Variants in RSPH14 observed in about 807,000 individuals in gnomAD.
RSPH14 encodes the protein radial spoke head 14 homolog.
RSPH14 carries 20 observed loss-of-function variants against 26.7 expected under a neutral mutation model. The observed-to-expected ratio is 0.75, with a 90% CI of 0.53 to 1.09. The LOEUF (loss-of-function observed/expected upper bound fraction) is 1.09, where lower values mean the gene tolerates loss of function less well. Ranked by LOEUF, RSPH14 falls within the 50% of genes least tolerant of loss-of-function variation. The probability of loss-of-function intolerance (pLI) is 0.00; values close to 1 mark genes in which losing one functional copy is unlikely to be tolerated. For synonymous variants in RSPH14, 177 were observed against 189.3 expected (o/e 0.93, Z 0.53); for missense variants, 449 against 457.2 (o/e 0.98, Z 0.16).
chr22:23,142,620 G>A (rs1476557285), upstream of RSPH14, among the ~76,000 whole-genome samples: 5 of 152,232 alleles, frequency 3.3e-5, no homozygotes, highest in African/African-American at 1.2e-4. Context: ...TTACAGGCGT[G>A]AGCCACTGCG....
At chr22:23,152,844 G>A in the RSPH14 span, among the ~76,000 whole-genome samples, 2 of 152,252 alleles carry the variant, frequency 1.3e-5, no homozygotes, top group African/African-American at 2.4e-5. Context: ...CTTGCCTTCC[G>A]AGCTCCTGCA....
chr22:23,106,641 A>G (rs1387205223), intron 4 of RSPH14, among the ~76,000 whole-genome samples: 2 of 152,178 alleles, frequency 1.3e-5, no homozygotes, highest in Admixed American at 1.3e-4. Context: ...GTAGGATAAC[A>G]TGTGTGTGCT....
At chr22:23,162,723 C>T in the RSPH14 span, 1 of 456,248 alleles carries the variant, frequency 2.2e-6, no homozygotes, top group Admixed American at 2.3e-5. Flanking sequence ...CGTGCTGTTG[C>T]TTCCCGTAGA....
At chr22:23,125,898 G>A (rs1205982712) in intron 4 of RSPH14, among the ~76,000 whole-genome samples, 3 of 151,878 alleles carry the variant, frequency 2.0e-5, no homozygotes, top group African/African-American at 7.3e-5. Context: ...CAAAGTGGGG[G>A]GTCGGCAGGC....
At chr22:23,173,499 G>A in the RSPH14 span, among the ~76,000 whole-genome samples, 1 of 151,730 alleles carries the variant, frequency 6.6e-6, no homozygotes, top group East Asian at 1.9e-4. Context: ...GGAGTGCAGG[G>A]GTATGATCAT....
At chr22:23,082,548 T>C (rs914366596) in intron 4 of RSPH14, among the ~76,000 whole-genome samples, 2 of 152,098 alleles carry the variant, frequency 1.3e-5, no homozygotes, top group Admixed American at 6.5e-5. Context: ...ATTTTTGTTT[T>C]GCATGTGAAG....
intron 4 of RSPH14, among the ~76,000 whole-genome samples, chr22:23,068,356 T>C (rs911496688): frequency 6.6e-6 from 1 of 152,252 alleles, no homozygotes; most frequent in African/African-American, 2.4e-5. Context: ...CTCACATGAC[T>C]GTAAGGCCCA....
chr22:23,108,123 G>A (rs1227320125), intron 4 of RSPH14, among the ~76,000 whole-genome samples: 1 of 152,336 alleles, frequency 6.6e-6, no homozygotes, highest in Admixed American at 6.5e-5. Flanking sequence ...GGTGGGGCCA[G>A]GGGCACACAG....
At chr22:23,103,284 T>C (rs2069356233) in intron 4 of RSPH14, among the ~76,000 whole-genome samples, 1 of 152,162 alleles carries the variant, frequency 6.6e-6, no homozygotes, top group Non-Finnish European at 1.5e-5. Context: ...GTTCTACTCC[T>C]CCCCAGCCCC....
chr22:23,082,958 G>A (rs776647607), intron 4 of RSPH14, among the ~76,000 whole-genome samples: 11 of 152,122 alleles, frequency 7.2e-5, no homozygotes, highest in Admixed American at 5.2e-4. Flanking sequence ...AAGTGGTCAA[G>A]ATCATATTAA....
upstream of RSPH14, chr22:23,142,012 G>A (rs914098325): frequency 6.1e-6 from 6 of 985,420 alleles, no homozygotes; most frequent in African/African-American, 1.0e-4. Context: ...TCAGTTGCCA[G>A]GCGACATCGT....
chr22:23,131,588 C>A (rs2070360470), intron 4 of RSPH14: 6 of 1,301,226 alleles, frequency 4.6e-6, no homozygotes, highest in Non-Finnish European at 5.1e-6. Flanking sequence ...AGGTCACAAT[C>A]ATTGTAAGAG....
intron 4 of RSPH14, among the ~76,000 whole-genome samples, chr22:23,082,747 G>A (rs942341232): frequency 6.6e-6 from 1 of 151,946 alleles, no homozygotes; most frequent in African/African-American, 2.4e-5. Context: ...CCACCCAAGC[G>A]GAAGAGTCCA....
the RSPH14 span, chr22:23,159,079 G>A: frequency 1.9e-6 from 3 of 1,587,594 alleles, no homozygotes; most frequent in South Asian, 2.2e-5. Flanking sequence ...AGGCAGCACA[G>A]TGGGAAGCAG....
chr22:23,070,145 G>A (rs1326604134), intron 4 of RSPH14, among the ~76,000 whole-genome samples: 5 of 151,946 alleles, frequency 3.3e-5, no homozygotes, highest in Non-Finnish European at 5.9e-5. Context: ...GCCCCTGTCC[G>A]TCCCCATTGG....
At chr22:23,161,830 A>ATGAT in the RSPH14 span, 1 of 477,292 alleles carries the variant, frequency 2.1e-6, no homozygotes, top group Admixed American at 3.6e-5. Flanking sequence ...TGATCCCATA[A>ATGAT]AAGGCCAGTC....
chr22:23,173,975 G>A, the RSPH14 span, among the ~76,000 whole-genome samples: 1 of 152,062 alleles, frequency 6.6e-6, no homozygotes, highest in Admixed American at 6.5e-5. Flanking sequence ...CTCCCAAAGT[G>A]CTGGGATTAC....
chr22:23,059,733 C>T lies in RSPH14; in HGVS notation c.791-15G>A. The T allele has an allele frequency of 1.3e-6, 2 of 1,508,954 alleles. No individual in the cohort carries two copies. Among genetic ancestry groups the T allele is most frequent in the Non-Finnish European group, 8.8e-7 (1 of 1,133,226 alleles). The allele number at this position is 1,508,954 out of a possible 1,614,324, so 93.5% of individuals were successfully genotyped here. ...CGCATACTTCCCTGCAGGCCACCAA[C>T]ACAAGGCGTTCCAAACAGCCCAAGG... is the stretch of plus-strand genomic sequence containing the variant. On this transcript the variant is annotated splice_polypyrimidine_tract_variant and intron_variant, in intron 6 of 6. Coordinates refer to ENST00000216036, the MANE Select transcript of RSPH14 (RefSeq NM_014433.3).
intron 4 of RSPH14, among the ~76,000 whole-genome samples, chr22:23,109,498 C>T (rs1042829680): frequency 2.0e-5 from 3 of 152,170 alleles, no homozygotes; most frequent in Non-Finnish European, 2.9e-5. Flanking sequence ...GTGAGGGTCT[C>T]AAGACCAAGG....
Sources: allele counts gnomAD v4.1 joint callset (sites outside exome capture counted in the v4.1 genomes callset), GRCh38; gene constraint gnomAD v4.1.1; transcripts MANE v1.5; gene names NCBI Gene and HGNC (gene_info 2026-07-23, HGNC 2026-07-21).